GRAMD1C: variants seen among roughly 807,000 people sequenced by gnomAD.
The protein encoded by GRAMD1C is GRAM domain containing 1C.
Under a neutral mutation model 97.8 loss-of-function variants are expected in GRAMD1C, and 89 were observed. The observed-to-expected ratio is 0.91, with a 90% CI of 0.77 to 1.09. The LOEUF (loss-of-function observed/expected upper bound fraction) is 1.09. Ranked by LOEUF, GRAMD1C falls within the 50% of genes least tolerant of loss-of-function variation. The pLI is 0.00. For synonymous variants in GRAMD1C, 256 were observed against 267.0 expected (o/e 0.96, Z 0.40); for missense variants, 740 against 766.4 (o/e 0.97, Z 0.41).
chr3:113,897,551 C>T, intron 6 of GRAMD1C: 1 of 982,856 alleles, frequency 1.0e-6, no homozygotes, highest in Non-Finnish European at 1.2e-6. Context: ...CAGGAAGTGA[C>T]AGATAATGTG....
chr3:113,919,197 C>T (rs976436633), intron 10 of GRAMD1C: 10 of 345,104 alleles, frequency 2.9e-5, no homozygotes, highest in East Asian at 2.3e-4. Flanking sequence ...AGTAAAGTAG[C>T]GGGGATGTGG....
intron 6 of GRAMD1C, among the ~76,000 whole-genome samples, chr3:113,900,036 T>C (rs543202519): frequency 1.2e-3 from 186 of 152,240 alleles, no homozygotes; most frequent in Middle Eastern, 6.8e-3. Context: ...TCAGTGGTCA[T>C]GGTAGACTGG....
intron 10 of GRAMD1C, among the ~76,000 whole-genome samples, chr3:113,929,501 T>C (rs1937336416): frequency 6.6e-6 from 1 of 152,228 alleles, no homozygotes; most frequent in South Asian, 2.1e-4. Flanking sequence ...GTGTGCAGTT[T>C]TAAGAGCAGA....
At chr3:113,874,596 C>T (rs549066855) in intron 3 of GRAMD1C, among the ~76,000 whole-genome samples, 41 of 152,298 alleles carry the variant, frequency 2.7e-4, no homozygotes, top group South Asian at 1.7e-3. Context: ...CCGCTGGCCT[C>T]GGCCTCCCAA....
At chr3:113,863,536 G>T (rs1425465694) in intron 2 of GRAMD1C, among the ~76,000 whole-genome samples, 1 of 152,154 alleles carries the variant, frequency 6.6e-6, no homozygotes, top group Admixed American at 6.5e-5. Flanking sequence ...AAGTTTTCTG[G>T]AATTATATAG....
At position 113,901,096 on chromosome 3, in the gene GRAMD1C, T is replaced by C. The variant is rs1462034092; in HGVS notation, c.606T>C (p.Asn202=). Residue 202 remains asparagine, a synonymous_variant, in exon 7 of 18, where the codon AAT becomes AAC. Coordinates refer to ENST00000358160, the MANE Select transcript of GRAMD1C (RefSeq NM_017577.5). ...ACTATGGCACTGAGCTAGGTTTAAA[T>C]GCTGAGGAGATGGAAAACTTGTCAC... ...QQNYGTELGL[N]AEEMENLSLS... is the part of the protein sequence containing the mutation. 1.2e-6 allele frequency: 2 copies of C among 1,611,474 alleles called. No individual in the cohort carries two copies. The highest frequency in any genetic ancestry group is 2.2e-5 in the East Asian group (1 of 44,858).
intron 6 of GRAMD1C, among the ~76,000 whole-genome samples, chr3:113,896,443 A>G (rs1935951948): frequency 6.6e-6 from 1 of 152,084 alleles, no homozygotes; most frequent in Admixed American, 6.6e-5. Context: ...TCTGAAGCCT[A>G]CTAAATTTAG....
chr3:113,910,605 C>T (rs953795376), intron 9 of GRAMD1C, among the ~76,000 whole-genome samples: 7 of 152,120 alleles, frequency 4.6e-5, no homozygotes, highest in Non-Finnish European at 8.8e-5. Flanking sequence ...AATAGCAGTC[C>T]TTCTTGACCA....
chr3:113,919,561 TA>T, intron 10 of GRAMD1C: 2 of 562,716 alleles, frequency 3.6e-6, no homozygotes, highest in Non-Finnish European at 7.0e-6. Context: ...TTATGCAAGT[TA>T]AAAAGCCATA....
chr3:113,899,458 A>G (rs1468908163), intron 6 of GRAMD1C, among the ~76,000 whole-genome samples: 2 of 67,826 alleles, frequency 2.9e-5, no homozygotes, highest in Non-Finnish European at 8.1e-5. Context: ...CTCTTCAACT[A>G]TATTAAAAGT....
Position 113,930,771 on chromosome 3 carries a change from C to T in GRAMD1C, c.1148C>T (p.Thr383Ile). Residue 383 changes from threonine (T) to isoleucine (I), a missense_variant, in exon 11 of 18, where the codon ACC (threonine) becomes ATC (isoleucine). Physicochemically the swap from Thr to Ile is moderately conservative, Grantham distance 89. Transcript: ENST00000358160. ...GGAGGTGATCAGCTGAGAACGATGA[C>T]CTACACTATAGTCCTTAATAGTCCA... Reference protein sequence around the residue: ...ELGGDQLRTMTYTIVLNSPLT... With the variant: ...ELGGDQLRTMIYTIVLNSPLT... 1 of 1,611,992 alleles carries T rather than the reference C, an allele frequency of 6.2e-7. No homozygotes were observed. The highest frequency in any genetic ancestry group is 8.5e-7 in the Non-Finnish European group (1 of 1,178,374).
chr3:113,912,189 A>G (rs541777723), intron 9 of GRAMD1C, among the ~76,000 whole-genome samples: 2 of 152,116 alleles, frequency 1.3e-5, no homozygotes, highest in Non-Finnish European at 2.9e-5. Context: ...GAGGCTGGGA[A>G]TTACCCTAAT....
At position 113,909,075 on chromosome 3, in the gene GRAMD1C, T is replaced by G. The variant is rs1474258556; in HGVS notation, c.907T>G (p.Tyr303Asp). 1.9e-6 allele frequency: 3 copies of G among 1,555,814 alleles called. No individual in the cohort carries two copies. In the Admixed American group the frequency reaches 6.2e-5, roughly 32 times the overall value. Residue 303 changes from tyrosine (Y) to aspartate (D), a missense_variant, in exon 9 of 18, where the codon TAT (tyrosine) becomes GAT (aspartate). By Grantham distance (160) the Tyr-to-Asp change is radical. Transcript: ENST00000358160. ...SKSLDLNKNE[Y>D]LSLDKSSTSD... ...GTCACTGGACTTGAATAAAAATGAATATCTTTCTCTGGACAAAAGCAGCAC... is the reference window on the plus strand; with the variant it reads ...GTCACTGGACTTGAATAAAAATGAAGATCTTTCTCTGGACAAAAGCAGCAC...
At chr3:113,912,486 G>A (rs1289294609) in intron 9 of GRAMD1C, among the ~76,000 whole-genome samples, 3 of 152,168 alleles carry the variant, frequency 2.0e-5, no homozygotes, top group African/African-American at 4.8e-5. Context: ...GCTCATGCCC[G>A]TAATCCCAGT....
intron 6 of GRAMD1C, chr3:113,886,111 G>T: frequency 6.7e-7 from 1 of 1,493,542 alleles, no homozygotes; most frequent in Non-Finnish European, 8.9e-7. Context: ...GCCATCTGAT[G>T]CCCTGTCCAA....
At chr3:113,919,997 C>A in intron 10 of GRAMD1C, 2 of 685,434 alleles carry the variant, frequency 2.9e-6, no homozygotes, top group Admixed American at 2.1e-5. Flanking sequence ...CCTACTCCAA[C>A]AATCAGATGT....
chr3:113,844,298 G>A (rs1487090443), intron 1 of GRAMD1C, among the ~76,000 whole-genome samples: 2 of 151,450 alleles, frequency 1.3e-5, no homozygotes, highest in East Asian at 3.9e-4. Context: ...TGTCTCTAAA[G>A]AAAATAAAAT....
At chr3:113,920,355 C>T (rs562149850) in intron 10 of GRAMD1C, among the ~76,000 whole-genome samples, 18 of 152,220 alleles carry the variant, frequency 1.2e-4, no homozygotes, top group East Asian at 1.9e-4. Flanking sequence ...ATTTATTTTA[C>T]GGTATAATGA....
chr3:113,868,172 G>A (rs1014329139), intron 2 of GRAMD1C, among the ~76,000 whole-genome samples: 2 of 152,086 alleles, frequency 1.3e-5, no homozygotes, highest in Non-Finnish European at 2.9e-5. Flanking sequence ...TTTACTTGTT[G>A]AGTCATTGTT....
Sources: allele counts gnomAD v4.1 joint callset (sites outside exome capture counted in the v4.1 genomes callset), GRCh38; gene constraint gnomAD v4.1.1; transcripts MANE v1.5; gene names NCBI Gene and HGNC (gene_info 2026-07-23, HGNC 2026-07-21).